The following SH3BGRL2 variants were observed in gnomAD, a reference collection of about 807,000 sequenced individuals.
SH3BGRL2 encodes SH3 domain-binding glutamic acid-rich-like protein 2.
In SH3BGRL2, 21 loss-of-function variants were observed where a neutral mutation model predicts 14.8. That is an observed-to-expected ratio of 1.42 (90% CI 1.01 to 2.05). The LOEUF (loss-of-function observed/expected upper bound fraction) is 2.05, where lower values mean the gene tolerates loss of function less well. SH3BGRL2 is among the 30% of genes most tolerant of loss of function. The probability of loss-of-function intolerance (pLI) is 0.00; values close to 1 mark genes in which losing one functional copy is unlikely to be tolerated. For synonymous variants in SH3BGRL2, 50 were observed against 47.8 expected, an observed-to-expected ratio of 1.05 and a Z score of -0.19; for missense variants, 147 against 130.8, an observed-to-expected ratio of 1.12 and a Z score of -0.61.
intron 1 of SH3BGRL2, among the ~76,000 whole-genome samples, chr6:79,642,411 GTA>G (rs1411727218): frequency 6.6e-6 from 1 of 152,128 alleles, no homozygotes; most frequent in African/African-American, 2.4e-5. Context: ...AATATACTGT[GTA>G]TGTTTTTTTT....
chr6:79,686,078 G>A (rs558913299), intron 2 of SH3BGRL2, among the ~76,000 whole-genome samples: 7 of 152,222 alleles, frequency 4.6e-5, no homozygotes, highest in African/African-American at 1.7e-4. Flanking sequence ...AGGAAGTATT[G>A]TTCCATTTTC....
chr6:79,605,131 T>C, the SH3BGRL2 span, among the ~76,000 whole-genome samples: 1 of 152,206 alleles, frequency 6.6e-6, no homozygotes, highest in Non-Finnish European at 1.5e-5. Flanking sequence ...AAAGTTCTGT[T>C]TTCACACTCT....
At chr6:79,559,356 A>ATTT in the SH3BGRL2 span, among the ~76,000 whole-genome samples, 3 of 152,202 alleles carry the variant, frequency 2.0e-5, no homozygotes, top group East Asian at 5.8e-4. Context: ...ACAGGTGGAT[A>ATTT]TTTTGTGTCT....
intron 1 of SH3BGRL2, among the ~76,000 whole-genome samples, chr6:79,655,876 A>G (rs72905757): frequency 0.079 from 11,999 of 152,180 alleles, 610 homozygotes; most frequent in Non-Finnish European, 0.11. Flanking sequence ...ACCCCTCCAT[A>G]ATCTGTGCTT....
chr6:79,665,984 A>G (rs910341451), intron 1 of SH3BGRL2, among the ~76,000 whole-genome samples: 3 of 152,234 alleles, frequency 2.0e-5, no homozygotes, highest in Non-Finnish European at 2.9e-5. Context: ...AAGCAGCATT[A>G]GAACATTGCC....
intron 1 of SH3BGRL2, among the ~76,000 whole-genome samples, chr6:79,664,237 G>A (rs1364939984): frequency 1.3e-5 from 2 of 152,180 alleles, no homozygotes; most frequent in Non-Finnish European, 2.9e-5. Flanking sequence ...GAAATCACCT[G>A]TCTTCTGCAT....
chr6:79,699,462 A>AATT, intron 3 of SH3BGRL2, 36 bp from the exon 4 acceptor site: 1 of 982,476 alleles, frequency 1.0e-6, no homozygotes, highest in Non-Finnish European at 1.4e-6. Flanking sequence ...GCAATAACTG[A>AATT]CTTTTTTTTT....
upstream of SH3BGRL2, among the ~76,000 whole-genome samples, chr6:79,628,142 C>T (rs1768764502): frequency 1.3e-5 from 2 of 152,208 alleles, no homozygotes; most frequent in South Asian, 2.1e-4. Flanking sequence ...GCCGTTTGAT[C>T]CACCAATCTT....
At chr6:79,605,369 A>T in the SH3BGRL2 span, among the ~76,000 whole-genome samples, 1 of 152,248 alleles carries the variant, frequency 6.6e-6, no homozygotes, top group Admixed American at 6.5e-5. Flanking sequence ...AGGAAAAAAA[A>T]TTATTGAACT....
At chr6:79,580,583 T>C in the SH3BGRL2 span, among the ~76,000 whole-genome samples, 2 of 152,320 alleles carry the variant, frequency 1.3e-5, no homozygotes, top group South Asian at 2.1e-4. Context: ...AAAGATGTTC[T>C]TTGAAAACAA....
the SH3BGRL2 span, among the ~76,000 whole-genome samples, chr6:79,609,374 G>A: frequency 6.6e-6 from 1 of 152,288 alleles, no homozygotes; most frequent in Non-Finnish European, 1.5e-5. Flanking sequence ...AGGAGGAATG[G>A]TCATGCCTGA....
At position 79,701,286 on chromosome 6, in the gene SH3BGRL2, T is replaced by A. The variant is rs1335904103; in HGVS notation, c.*1777T>A. The A allele has an allele frequency of 1.3e-5, 2 of 152,194 alleles. No individual in the cohort carries two copies. The highest frequency in any genetic ancestry group is 2.9e-5 in the Non-Finnish European group (2 of 68,036). 9.4% of individuals were successfully genotyped at this position (152,194 alleles called of 1,614,324 possible). ...TTTAACTGGATATTGTGTTTGAGTA[T>A]GTGAGTCTTCTGATAAAACTCAGAA... is the stretch of plus-strand genomic sequence containing the variant. On this transcript the variant is annotated 3_prime_UTR_variant, in exon 4 of 4. Transcript: ENST00000369838.
chr6:79,643,319 A>C (rs962895545), intron 1 of SH3BGRL2, among the ~76,000 whole-genome samples: 3 of 152,068 alleles, frequency 2.0e-5, no homozygotes, highest in Non-Finnish European at 4.4e-5. Flanking sequence ...TGACCAAGAG[A>C]CTGGTGAGAA....
At chr6:79,678,223 T>C (rs1048133822) in intron 2 of SH3BGRL2, among the ~76,000 whole-genome samples, 1 of 152,210 alleles carries the variant, frequency 6.6e-6, no homozygotes, top group African/African-American at 2.4e-5. Flanking sequence ...TGTATTTACA[T>C]TGTTGTGAAA....
At chr6:79,567,590 C>G in the SH3BGRL2 span, among the ~76,000 whole-genome samples, 1 of 152,112 alleles carries the variant, frequency 6.6e-6, no homozygotes, top group Non-Finnish European at 1.5e-5. Flanking sequence ...ATTCATTTTC[C>G]ACAAGGACCC....
At chr6:79,581,245 T>G in the SH3BGRL2 span, among the ~76,000 whole-genome samples, 1 of 152,120 alleles carries the variant, frequency 6.6e-6, no homozygotes, top group Non-Finnish European at 1.5e-5. Flanking sequence ...TCTGAAACGA[T>G]TCCAATCAAC....
intron 2 of SH3BGRL2, among the ~76,000 whole-genome samples, chr6:79,691,461 C>T (rs1485783834): frequency 6.7e-6 from 1 of 148,226 alleles, no homozygotes; most frequent in African/African-American, 2.5e-5. Context: ...CCCATTAACT[C>T]GTCATTTAGC....
At chr6:79,546,400 TAGG>T in the SH3BGRL2 span, among the ~76,000 whole-genome samples, 1 of 152,046 alleles carries the variant, frequency 6.6e-6, no homozygotes. Flanking sequence ...CATAAATAAT[TAGG>T]AGTCAAAACC....
the SH3BGRL2 span, among the ~76,000 whole-genome samples, chr6:79,541,731 T>C: frequency 6.6e-6 from 1 of 152,188 alleles, no homozygotes; most frequent in Non-Finnish European, 1.5e-5. Context: ...CTCAGAATAG[T>C]GAGGTGATTC....
Sources: allele counts gnomAD v4.1 joint callset (sites outside exome capture counted in the v4.1 genomes callset), GRCh38; gene constraint gnomAD v4.1.1; transcripts MANE v1.5; gene names NCBI Gene and HGNC (gene_info 2026-07-23, HGNC 2026-07-21).